Variants in EIF3I observed in about 807,000 individuals in gnomAD.
EIF3I encodes TGF-beta receptor-interacting protein 1.
A neutral mutation model predicts 43.3 loss-of-function variants in EIF3I; 20 were observed. That is an observed-to-expected ratio of 0.46 (90% CI 0.32 to 0.67). The LOEUF is 0.67. Among genes scored for constraint, EIF3I ranks in the 30% least tolerant of loss-of-function variants. The probability of loss-of-function intolerance (pLI) is 0.03; values close to 1 mark genes in which losing one functional copy is unlikely to be tolerated. For synonymous variants in EIF3I, 167 were observed against 151.7 expected (o/e 1.10, Z -0.74); for missense variants, 279 against 421.4 (o/e 0.66, Z 2.96).
chr1:32,223,112 G>A lies in EIF3I; in HGVS notation c.96+482G>A, dbSNP rs539352966. ...GAGGGTCAGCTTGCCCAGAGAACGG[G>A]ATGCGACCTTTAGGGATAATCTAAT... On this transcript the variant is annotated intron_variant, in intron 2 of 11. Coordinates refer to ENST00000676679, the Ensembl canonical transcript of EIF3I. Among the ~76,000 whole-genome samples the A allele has an allele frequency of 1.7e-3, 260 of 152,278 alleles. 3 individuals carry two copies. The highest frequency in any genetic ancestry group is 6.0e-3 in the African/African-American group (249 of 41,558).
chr1:32,223,992 T>C (rs1421589476), intron 2 of EIF3I, 42 bp from the exon 3 acceptor site: 1 of 1,594,902 alleles, frequency 6.3e-7, no homozygotes, highest in Non-Finnish European at 8.6e-7. Flanking sequence ...AAGCCATTGC[T>C]CTTACTGGGA....
downstream of EIF3I, chr1:32,232,293 T>C (rs1242858342): frequency 1.3e-5 from 2 of 152,134 alleles, no homozygotes; most frequent in East Asian, 3.8e-4. Context: ...GTGATAACCT[T>C]TACTTTTCTC....
chr1:32,231,597 G>C (rs933898273), downstream of EIF3I: 4 of 183,252 alleles, frequency 2.2e-5, no homozygotes, highest in African/African-American at 9.6e-5. Context: ...ATGGCTTCTG[G>C]TCAGATATTT....
exon 8 of EIF3I, chr1:32,228,799 T>A: frequency 6.2e-7 from 1 of 1,613,894 alleles, no homozygotes; most frequent in Non-Finnish European, 8.5e-7. Flanking sequence ...AGCTGCCCTC[T>A]CCCCCAACTA....
chr1:32,226,133 G>T (rs771375018), intron 4 of EIF3I, 38 bp from the exon 5 acceptor site: 2 of 1,604,540 alleles, frequency 1.2e-6, no homozygotes, highest in Non-Finnish European at 1.7e-6. Flanking sequence ...CCCTGCAATT[G>T]CAATGGATGG....
At chr1:32,229,741 G>A (rs1267998284) in intron 9 of EIF3I, among the ~76,000 whole-genome samples, 1 of 151,428 alleles carries the variant, frequency 6.6e-6, no homozygotes, top group Non-Finnish European at 1.5e-5. Context: ...AGTAGAGACA[G>A]GATTTCACCA....
intron 3 of EIF3I, 103 bp from the exon 4 acceptor site, chr1:32,224,307 G>A: frequency 8.7e-7 from 1 of 1,144,826 alleles, no homozygotes; most frequent in Non-Finnish European, 1.3e-6. Flanking sequence ...AGGTAAGAGG[G>A]GTAGAAAGGC....
Position 32,222,760 on chromosome 1 carries a change from C to G in EIF3I, c.96+130C>G. ...TTGTGAGAAGTAGGGAGAGGCCATG[C>G]CGGGGGTAGGTTGGCGAAAGTATTC... On this transcript the variant is annotated intron_variant, in intron 2 of 11. Coordinates refer to ENST00000676679, the Ensembl canonical transcript of EIF3I. 2.2e-6 allele frequency: 2 copies of G among 910,980 alleles called. 1 individual carries two copies. Among genetic ancestry groups the G allele is most frequent in the East Asian group, 5.1e-5 (2 of 39,400 alleles). 56.4% of individuals were successfully genotyped at this position (910,980 alleles called of 1,614,324 possible). A position where few individuals can be genotyped will look rare whatever the true frequency, so the allele number is the denominator to read the frequency against.
At chr1:32,235,270 GCACACACGA>G, downstream of EIF3I, 1 of 152,240 alleles carries the variant, frequency 6.6e-6, no homozygotes, top group East Asian at 1.9e-4. Context: ...CAGTCTCACG[GCACACACGA>G]CCCACAGAGG....
At chr1:32,224,273 G>A in intron 3 of EIF3I, 137 bp from the exon 4 acceptor site, 4 of 1,099,854 alleles carry the variant, frequency 3.6e-6, no homozygotes, top group Non-Finnish European at 5.5e-6. Flanking sequence ...AAACATTCAG[G>A]ACAAATTCCA....
At chr1:32,233,908 TAGG>T (rs1639269339), downstream of EIF3I, 1 of 152,076 alleles carries the variant, frequency 6.6e-6, no homozygotes, top group Non-Finnish European at 1.5e-5. Context: ...TTGCAGAAGT[TAGG>T]AGGAAGTATG....
chr1:32,226,131 T>C (rs964406556), intron 4 of EIF3I, 40 bp from the exon 5 acceptor site: 2 of 1,601,272 alleles, frequency 1.2e-6, no homozygotes, highest in Non-Finnish European at 1.7e-6. Context: ...CTCCCTGCAA[T>C]TGCAATGGAT....
At chr1:32,235,770 C>T (rs897774121), downstream of EIF3I, among the ~76,000 whole-genome samples, 9 of 152,276 alleles carry the variant, frequency 5.9e-5, no homozygotes, top group Admixed American at 5.9e-4. Flanking sequence ...TCACAACACC[C>T]TTGATGTACA....
At chr1:32,229,274 T>G (rs1639195916) in intron 9 of EIF3I, 66 bp downstream of exon 9, 3 of 1,556,508 alleles carry the variant, frequency 1.9e-6, no homozygotes, top group African/African-American at 2.7e-5. Context: ...TTTGTTTTTG[T>G]TTTTGAGATG....
At chr1:32,226,066 G>A (rs1639141337) in intron 4 of EIF3I, 105 bp from the exon 5 acceptor site, 1 of 1,402,424 alleles carries the variant, frequency 7.1e-7, no homozygotes, top group Non-Finnish European at 9.7e-7. Flanking sequence ...TTTAAGTTTG[G>A]GTCACTGGAG....
chr1:32,226,086 C>A, intron 4 of EIF3I, 85 bp from the exon 5 acceptor site: 2 of 1,507,144 alleles, frequency 1.3e-6, no homozygotes, highest in Admixed American at 2.1e-5. Context: ...GCAAGACAAA[C>A]AGTGAGATGT....
intron 4 of EIF3I, among the ~76,000 whole-genome samples, 164 bp downstream of exon 4, chr1:32,224,639 G>C (rs1639113692): frequency 6.6e-6 from 1 of 151,380 alleles, no homozygotes; most frequent in Non-Finnish European, 1.5e-5. Context: ...CATGGTAGAG[G>C]AAGCATAGAT....
chr1:32,228,285 A>AATC (rs879625161), intron 6 of EIF3I, among the ~76,000 whole-genome samples: 2 of 152,190 alleles, frequency 1.3e-5, no homozygotes, highest in Admixed American at 1.3e-4. Flanking sequence ...TTTGCAGTTT[A>AATC]TGTTTGGAGA....
exon 3 of EIF3I, chr1:32,224,043 G>C: frequency 6.2e-7 from 1 of 1,614,162 alleles, no homozygotes; most frequent in Non-Finnish European, 8.5e-7. Flanking sequence ...GATCGTCAAT[G>C]TATGGTACTC....
Sources: gnomAD v4.1 joint callset for allele counts (sites outside exome capture counted in the v4.1 genomes callset) on GRCh38, gnomAD v4.1.1 for gene constraint, MANE v1.5 for transcripts, NCBI Gene and HGNC (gene_info 2026-07-23, HGNC 2026-07-21) for gene names.